Variants in DYNC1I1 observed in about 807,000 individuals in gnomAD.
DYNC1I1 encodes cytoplasmic dynein 1 intermediate chain 1.
DYNC1I1 carries 43 observed loss-of-function variants against 86.6 expected under a neutral mutation model. That is an observed-to-expected ratio of 0.50 (90% CI 0.39 to 0.64). The LOEUF is 0.64. Among genes scored for constraint, DYNC1I1 ranks in the 30% least tolerant of loss-of-function variants. The pLI is 0.00. For missense variants in DYNC1I1, 604 were observed against 788.8 expected (o/e 0.77, Z 2.81); for synonymous variants, 262 against 283.7 (o/e 0.92, Z 0.77).
At chr7:96,067,251 A>AT (rs1281649293) in intron 14 of DYNC1I1, among the ~76,000 whole-genome samples, 1 of 151,988 alleles carries the variant, frequency 6.6e-6, no homozygotes, top group African/African-American at 2.4e-5. Flanking sequence ...AACAGAGTGC[A>AT]TTTTTTTCCC....
Position 96,052,151 on chromosome 7 carries a change from G to A in DYNC1I1, c.1509+12730G>A, listed in dbSNP as rs111273417. On this transcript the variant is annotated intron_variant, in intron 14 of 16. Coordinates refer to ENST00000447467, the MANE Select transcript of DYNC1I1 (RefSeq NM_001135556.2). ...TTAATACATGAATAAATAAATGCTG[G>A]TTTTTAAAAAGATGTACATTGAAAG... Among the ~76,000 whole-genome samples the A allele has an allele frequency of 5.8e-4, 88 of 152,118 alleles. 1 individual carries two copies. Among genetic ancestry groups the A allele is most frequent in the African/African-American group, 2.0e-3 (84 of 41,492 alleles).
At chr7:95,942,641 G>A (rs368519874) in intron 6 of DYNC1I1, among the ~76,000 whole-genome samples, 6 of 151,372 alleles carry the variant, frequency 4.0e-5, no homozygotes, top group African/African-American at 1.5e-4. Flanking sequence ...CTGGCAAAAC[G>A]AATCCAGCAG....
At chr7:95,908,469 A>G (rs142295141) in intron 6 of DYNC1I1, among the ~76,000 whole-genome samples, 132 of 152,324 alleles carry the variant, frequency 8.7e-4, no homozygotes, top group African/African-American at 2.9e-3. Context: ...TGTACCAGAA[A>G]ACAGTAATAA....
At chr7:95,849,813 T>C (rs1789530241) in intron 5 of DYNC1I1, among the ~76,000 whole-genome samples, 2 of 152,190 alleles carry the variant, frequency 1.3e-5, no homozygotes, top group South Asian at 4.1e-4. Flanking sequence ...TTGAGTAATA[T>C]GGGCATTTTG....
chr7:96,046,044 G>A (rs1039922564), intron 14 of DYNC1I1, among the ~76,000 whole-genome samples: 1 of 152,150 alleles, frequency 6.6e-6, no homozygotes, highest in Non-Finnish European at 1.5e-5. Context: ...GCCGCACCAC[G>A]TTTCATCATT....
intron 6 of DYNC1I1, among the ~76,000 whole-genome samples, chr7:95,891,515 G>A (rs1254036895): frequency 1.3e-5 from 2 of 152,194 alleles, no homozygotes; most frequent in Admixed American, 6.5e-5. Context: ...CTGAATTTAT[G>A]TTTAATCAGG....
At chr7:95,993,780 A>G (rs1175723003) in intron 9 of DYNC1I1, among the ~76,000 whole-genome samples, 1 of 152,228 alleles carries the variant, frequency 6.6e-6, no homozygotes, top group African/African-American at 2.4e-5. Context: ...TTAATAGAAA[A>G]AAAAGATCTG....
chr7:95,906,912 A>C (rs1372552716), intron 6 of DYNC1I1, among the ~76,000 whole-genome samples: 1 of 152,196 alleles, frequency 6.6e-6, no homozygotes, highest in Non-Finnish European at 1.5e-5. Context: ...AAGTCTTAGA[A>C]TAAATCTGAA....
intron 4 of DYNC1I1, 39 bp downstream of exon 4, chr7:95,813,376 A>G (rs1794875202): frequency 6.6e-7 from 1 of 1,517,214 alleles, no homozygotes; most frequent in Non-Finnish European, 8.7e-7. Flanking sequence ...ATGGGTGTCA[A>G]TTAAAAAAAA....
intron 6 of DYNC1I1, among the ~76,000 whole-genome samples, chr7:95,934,114 G>C (rs570803212): frequency 1.3e-5 from 2 of 152,212 alleles, no homozygotes; most frequent in South Asian, 4.1e-4. Flanking sequence ...AAACTCTGCT[G>C]TTCAATTTCT....
intron 15 of DYNC1I1, 71 bp downstream of exon 15, chr7:96,076,268 C>A: frequency 4.5e-6 from 7 of 1,569,166 alleles, no homozygotes; most frequent in Admixed American, 1.9e-5. Flanking sequence ...GCAGTCTCTC[C>A]CTCTTTCTCC....
intron 9 of DYNC1I1, among the ~76,000 whole-genome samples, chr7:95,994,564 CA>C (rs961383387): frequency 2.0e-5 from 3 of 151,956 alleles, no homozygotes; most frequent in African/African-American, 7.3e-5. Context: ...CTGTGTGCCT[CA>C]AAACTAGTCC....
chr7:95,933,114 C>G (rs1791946021), intron 6 of DYNC1I1, among the ~76,000 whole-genome samples: 2 of 152,076 alleles, frequency 1.3e-5, no homozygotes, highest in African/African-American at 4.8e-5. Flanking sequence ...AAATCCTGTC[C>G]TCAAGCAATC....
At chr7:95,889,195 C>A (rs919761540) in intron 6 of DYNC1I1, among the ~76,000 whole-genome samples, 6 of 152,158 alleles carry the variant, frequency 3.9e-5, no homozygotes, top group Non-Finnish European at 7.3e-5. Flanking sequence ...AATCAAATGA[C>A]ATGCTGATAT....
chr7:95,867,767 A>G (rs1180184194), intron 5 of DYNC1I1, among the ~76,000 whole-genome samples: 1 of 152,120 alleles, frequency 6.6e-6, no homozygotes, highest in Non-Finnish European at 1.5e-5. Flanking sequence ...CCTCAATTTG[A>G]AGTGGATTAT....
intron 1 of DYNC1I1, among the ~76,000 whole-genome samples, chr7:95,788,640 T>G (rs1794211348): frequency 6.6e-6 from 1 of 152,176 alleles, no homozygotes; most frequent in Non-Finnish European, 1.5e-5. Flanking sequence ...ACCTGAAAAC[T>G]TCATCCCCGT....
chr7:95,913,045 T>C (rs1791379358), intron 6 of DYNC1I1, among the ~76,000 whole-genome samples: 2 of 152,276 alleles, frequency 1.3e-5, no homozygotes, highest in South Asian at 4.1e-4. Context: ...TTGGCAAAAA[T>C]AGTCTGTTAA....
chr7:95,969,933 C>T (rs1793121970), intron 6 of DYNC1I1, among the ~76,000 whole-genome samples: 1 of 152,134 alleles, frequency 6.6e-6, no homozygotes, highest in South Asian at 2.1e-4. Flanking sequence ...GTATATTTAA[C>T]AAAGTGCTTA....
chr7:95,833,679 C>T (rs924676952), intron 5 of DYNC1I1, among the ~76,000 whole-genome samples: 5 of 150,660 alleles, frequency 3.3e-5, no homozygotes, highest in African/African-American at 1.2e-4. Context: ...TTGAAGAGGT[C>T]CCTCACGTCC....
Sources: allele counts gnomAD v4.1 joint callset (sites outside exome capture counted in the v4.1 genomes callset), GRCh38; gene constraint gnomAD v4.1.1; transcripts MANE v1.5; gene names NCBI Gene and HGNC (gene_info 2026-07-23, HGNC 2026-07-21).